The following CALN1 variants were observed in gnomAD, a reference collection of about 807,000 sequenced individuals.
CALN1 encodes calneuron 1, also known as calcium-binding protein 8.
In CALN1, 17 loss-of-function variants were observed where a neutral mutation model predicts 30.6. That is an observed-to-expected ratio of 0.56 (90% CI 0.38 to 0.83). CALN1 has a LOEUF of 0.83. Ranked by LOEUF, CALN1 falls within the 40% of genes least tolerant of loss-of-function variation. The probability of loss-of-function intolerance (pLI) is 0.00; values close to 1 mark genes in which losing one functional copy is unlikely to be tolerated. For missense variants in CALN1, 291 were observed against 354.9 expected, an observed-to-expected ratio of 0.82 and a Z score of 1.45; for synonymous variants, 156 against 131.4, an observed-to-expected ratio of 1.19 and a Z score of -1.28.
At chr7:72,151,275 C>T (rs1023546647) in intron 3 of CALN1, among the ~76,000 whole-genome samples, 28 of 152,114 alleles carry the variant, frequency 1.8e-4, no homozygotes, top group Admixed American at 3.3e-4. Flanking sequence ...AGTCTGCTGG[C>T]AATCTTTAGC....
chr7:72,307,835 C>A (rs767962826), intron 2 of CALN1, among the ~76,000 whole-genome samples: 3 of 151,926 alleles, frequency 2.0e-5, no homozygotes, highest in Non-Finnish European at 4.4e-5. Context: ...ACGGCTGTTG[C>A]CTCAGGACAT....
chr7:72,490,262 C>T, the CALN1 span, among the ~76,000 whole-genome samples: 1 of 152,094 alleles, frequency 6.6e-6, no homozygotes, highest in Admixed American at 6.5e-5. Flanking sequence ...AATGCTTATA[C>T]AGTATGATCT....
At chr7:72,018,559 G>A (rs979569451) in intron 5 of CALN1, among the ~76,000 whole-genome samples, 4 of 152,218 alleles carry the variant, frequency 2.6e-5, no homozygotes, top group Non-Finnish European at 5.9e-5. Flanking sequence ...GCTGCCAAGA[G>A]TCTCACACCC....
intron 3 of CALN1, among the ~76,000 whole-genome samples, chr7:72,123,124 C>G (rs1808505634): frequency 6.6e-6 from 1 of 152,160 alleles, no homozygotes; most frequent in Admixed American, 6.5e-5. Context: ...AACAAGAGGA[C>G]AGCGATGGTC....
intron 5 of CALN1, among the ~76,000 whole-genome samples, chr7:71,891,589 A>G (rs7795444): frequency 0.4 from 60,082 of 151,908 alleles, 14,463 homozygotes; most frequent in African/African-American, 0.67. Flanking sequence ...AGTGCCTATT[A>G]CATAGGGTTC....
At position 71,781,562 on chromosome 7, in the gene CALN1, G is replaced by C. The variant is rs1019793041; in HGVS notation, c.*6213C>G. ...GAGGACAGCATCTGCAGCCCTTTAA[G>C]AACTTTCTTTGTCTCCCTCAGGTCC... On this transcript the variant is annotated 3_prime_UTR_variant, in exon 7 of 7. Coordinates refer to ENST00000395275, the MANE Select transcript of CALN1 (RefSeq NM_031468.4). The C allele has an allele frequency of 6.6e-6, 1 of 151,812 alleles. No individual in the cohort carries two copies. Among genetic ancestry groups the C allele is most frequent in the Non-Finnish European group, 1.5e-5 (1 of 68,040 alleles). The allele number at this position is 151,812 out of a possible 1,614,324, so 9.4% of individuals were successfully genotyped here.
At chr7:71,996,441 T>G (rs1224874943) in intron 5 of CALN1, among the ~76,000 whole-genome samples, 1 of 152,216 alleles carries the variant, frequency 6.6e-6, no homozygotes, top group Non-Finnish European at 1.5e-5. Flanking sequence ...GTCCATGTGT[T>G]CTCATTGTTC....
chr7:72,163,391 TTAAAAA>T (rs1395491621), intron 3 of CALN1, among the ~76,000 whole-genome samples: 5 of 130,428 alleles, frequency 3.8e-5, no homozygotes, highest in Admixed American at 1.6e-4. Context: ...TTATTGGAGA[TTAAAAA>T]AAAAAAAAAA....
rs570047182 is a variant in CALN1 at position 72,292,435 on chromosome 7, T to C, written c.120-13625A>G. 8.9e-3 allele frequency among the ~76,000 whole-genome samples: 1,331 copies of C among 150,198 alleles called. 14 individuals are homozygous for C. The highest frequency in any genetic ancestry group is 0.017 in the Middle Eastern group (5 of 292). On this transcript the variant is annotated intron_variant, in intron 2 of 6. Transcript: ENST00000395275. ...CCTCCACCTCCCACTCATTAGCAGA[T>C]AGGGCCTTTGAGAGGTGATTGGGTC... is the stretch of plus-strand genomic sequence containing the variant.
At chr7:72,230,737 C>T (rs1254059547) in intron 3 of CALN1, among the ~76,000 whole-genome samples, 4 of 152,136 alleles carry the variant, frequency 2.6e-5, no homozygotes, top group Non-Finnish European at 5.9e-5. Context: ...TTCCAAACTC[C>T]GACCTCCAGA....
intron 5 of CALN1, among the ~76,000 whole-genome samples, chr7:71,828,415 G>A (rs751802994): frequency 2.0e-5 from 3 of 152,028 alleles, no homozygotes; most frequent in Non-Finnish European, 2.9e-5. Context: ...GCAAAGATTC[G>A]CCTGGATTAT....
rs141720715 is a variant in CALN1 at position 71,982,237 on chromosome 7, G to C, written c.501+41420C>G. Among the ~76,000 whole-genome samples the C allele has an allele frequency of 2.2e-4, 33 of 152,230 alleles. No homozygotes were observed. The East Asian group carries it at 4.3e-3, about 20-fold the overall frequency. On this transcript the variant is annotated intron_variant, in intron 5 of 6. Transcript: ENST00000395275. ...AAAATCAAGAAAAAATGAAGGTGGCGGTGGCCACAGAGATGCTGAATAATT... is the reference window on the plus strand; with the variant it reads ...AAAATCAAGAAAAAATGAAGGTGGCCGTGGCCACAGAGATGCTGAATAATT...
rs144832444 is a variant in CALN1, at chr7:72,119,162, G to A, written c.245-12868C>T. 2.3e-4 allele frequency among the ~76,000 whole-genome samples: 35 copies of A among 152,184 alleles called. No homozygotes were observed. In the East Asian group the frequency reaches 4.1e-3, roughly 18 times the overall value. ...ACTTGCTGTATTAGTCCATTTTCAC[G>A]CTGCTTATAAAGACATACCCAAGAC... On this transcript the variant is annotated intron_variant, in intron 3 of 6. Coordinates refer to ENST00000395275, the MANE Select transcript of CALN1 (RefSeq NM_031468.4).
intron 4 of CALN1, among the ~76,000 whole-genome samples, chr7:72,074,477 G>C (rs1190215768): frequency 6.6e-6 from 1 of 152,130 alleles, no homozygotes; most frequent in African/African-American, 2.4e-5. Context: ...GTGCAATCTT[G>C]GCTCACTGCA....
chr7:72,154,150 GC>G (rs1275246620), intron 3 of CALN1, among the ~76,000 whole-genome samples: 2 of 151,878 alleles, frequency 1.3e-5, no homozygotes, highest in African/African-American at 4.8e-5. Context: ...AATAGAAATG[GC>G]TTCAACTCCT....
intron 6 of CALN1, among the ~76,000 whole-genome samples, chr7:71,789,023 A>T (rs60553184): frequency 6.6e-6 from 1 of 151,900 alleles, no homozygotes; most frequent in East Asian, 2.0e-4. Context: ...GTATAATCTC[A>T]AACTCCTGAG....
chr7:72,027,928 G>A (rs1337105471), intron 4 of CALN1, among the ~76,000 whole-genome samples: 12 of 151,540 alleles, frequency 7.9e-5, no homozygotes, highest in African/African-American at 2.4e-4. Flanking sequence ...GCGTGGTGGC[G>A]GGCGCCTGTA....
At chr7:72,372,568 C>A (rs1357177746) in intron 2 of CALN1, among the ~76,000 whole-genome samples, 1 of 152,052 alleles carries the variant, frequency 6.6e-6, no homozygotes, top group Non-Finnish European at 1.5e-5. Context: ...TTGATTCAAT[C>A]CTAATCAATC....
the CALN1 span, among the ~76,000 whole-genome samples, chr7:72,466,962 T>C: frequency 6.6e-6 from 1 of 151,810 alleles, no homozygotes. Context: ...CAGAGGAAGG[T>C]CACTTAGGGC....
Sources: allele counts gnomAD v4.1 joint callset (sites outside exome capture counted in the v4.1 genomes callset), GRCh38; gene constraint gnomAD v4.1.1; transcripts MANE v1.5; gene names NCBI Gene and HGNC (gene_info 2026-07-23, HGNC 2026-07-21).